The following CDH8 variants were observed in gnomAD, a reference collection of about 807,000 sequenced individuals.
The protein encoded by CDH8 is cadherin-8.
In CDH8, 17 loss-of-function variants were observed where a neutral mutation model predicts 68.1. The ratio of observed to expected loss-of-function variants is 0.25; its 90% CI spans 0.17 to 0.37. CDH8 has a LOEUF of 0.37. Ranked by LOEUF, CDH8 falls within the 10% of genes least tolerant of loss-of-function variation. The probability of loss-of-function intolerance (pLI) is 1.00; values close to 1 mark genes in which losing one functional copy is unlikely to be tolerated. For synonymous variants in CDH8, 372 were observed against 365.1 expected, an observed-to-expected ratio of 1.02 and a Z score of -0.21; for missense variants, 763 against 999.3, an observed-to-expected ratio of 0.76 and a Z score of 3.19.
chr16:61,758,243 A>G (rs1006026239), intron 8 of CDH8, among the ~76,000 whole-genome samples: 1 of 152,200 alleles, frequency 6.6e-6, no homozygotes, highest in Non-Finnish European at 1.5e-5. Flanking sequence ...TCATGTAGAA[A>G]AAAAGAAAAT....
chr16:61,828,821 A>G (rs565521443), intron 4 of CDH8, among the ~76,000 whole-genome samples: 20 of 151,958 alleles, frequency 1.3e-4, no homozygotes, highest in African/African-American at 4.6e-4. Flanking sequence ...CAAACTCCAT[A>G]TCCTCTCAAT....
intron 7 of CDH8, among the ~76,000 whole-genome samples, chr16:61,801,461 A>T (rs1338641345): frequency 6.6e-6 from 1 of 152,190 alleles, no homozygotes; most frequent in Non-Finnish European, 1.5e-5. Flanking sequence ...AAATTGGAGG[A>T]GCCAAGATGG....
intron 2 of CDH8, among the ~76,000 whole-genome samples, chr16:62,006,244 T>C (rs532162099): frequency 9.8e-5 from 15 of 152,296 alleles, no homozygotes; most frequent in African/African-American, 3.6e-4. Flanking sequence ...TCGATAAAAG[T>C]AAGCACTTTT....
chr16:62,011,400 C>T (rs952795169), intron 2 of CDH8, among the ~76,000 whole-genome samples: 1 of 152,190 alleles, frequency 6.6e-6, no homozygotes, highest in Non-Finnish European at 1.5e-5. Flanking sequence ...GTCCCATCAG[C>T]CCACCATGTT....
intron 8 of CDH8, among the ~76,000 whole-genome samples, chr16:61,768,353 T>TCCCTCTCTCC (rs1960665040): frequency 9.1e-6 from 1 of 109,376 alleles, no homozygotes; most frequent in African/African-American, 3.9e-5. Flanking sequence ...TCTCTCTCTC[T>TCCCTCTCTCC]CTCTCTCTCT....
intron 2 of CDH8, among the ~76,000 whole-genome samples, chr16:61,982,591 T>A (rs1280025416): frequency 2.0e-5 from 3 of 152,224 alleles, no homozygotes; most frequent in Non-Finnish European, 4.4e-5. Context: ...TAATACCCTC[T>A]TTGAGTTGTT....
intron 4 of CDH8, among the ~76,000 whole-genome samples, chr16:61,851,582 A>G (rs1962938399): frequency 6.6e-6 from 1 of 151,974 alleles, no homozygotes; most frequent in Non-Finnish European, 1.5e-5. Context: ...TTTTAAATAA[A>G]TGCCACATTT....
chr16:61,759,916 G>C (rs977396580), intron 8 of CDH8, among the ~76,000 whole-genome samples: 2 of 152,108 alleles, frequency 1.3e-5, no homozygotes, highest in Non-Finnish European at 2.9e-5. Flanking sequence ...AGAGCTGCTT[G>C]GACCTTAAGA....
At chr16:61,751,250 T>C (rs1261973635) in intron 8 of CDH8, among the ~76,000 whole-genome samples, 1 of 151,632 alleles carries the variant, frequency 6.6e-6, no homozygotes, top group Non-Finnish European at 1.5e-5. Context: ...ATGCAACATA[T>C]GCCTTCAATT....
intron 3 of CDH8, among the ~76,000 whole-genome samples, chr16:61,876,992 T>C (rs1963474764): frequency 6.6e-6 from 1 of 152,152 alleles, no homozygotes; most frequent in East Asian, 1.9e-4. Context: ...AACAAAGATA[T>C]ACAATACTAC....
At chr16:61,667,546 A>G (rs1050267431) in intron 10 of CDH8, 6 of 151,970 alleles carry the variant, frequency 3.9e-5, no homozygotes, top group Admixed American at 3.3e-4. Flanking sequence ...ATTCACTTTA[A>G]AAAACCCAGG....
chr16:61,819,784 T>C (rs1014941937), intron 6 of CDH8, among the ~76,000 whole-genome samples: 1 of 152,168 alleles, frequency 6.6e-6, no homozygotes, highest in East Asian at 1.9e-4. Flanking sequence ...ATAATGCTGA[T>C]GAAGAAAGTG....
chr16:61,864,387 A>G (rs1262256814), intron 3 of CDH8, among the ~76,000 whole-genome samples: 1 of 151,992 alleles, frequency 6.6e-6, no homozygotes, highest in Non-Finnish European at 1.5e-5. Flanking sequence ...TGCTTCCCCA[A>G]CCAAGTTACC....
At chr16:62,007,650 C>T (rs767536482) in intron 2 of CDH8, among the ~76,000 whole-genome samples, 13 of 152,116 alleles carry the variant, frequency 8.5e-5, no homozygotes, top group Non-Finnish European at 1.2e-4. Flanking sequence ...CAAAAGTATA[C>T]ATTAACCCAT....
chr16:61,968,750 C>T (rs545606888), intron 2 of CDH8, among the ~76,000 whole-genome samples: 1 of 152,170 alleles, frequency 6.6e-6, no homozygotes, highest in Admixed American at 6.5e-5. Context: ...GGCCCAGGCC[C>T]CCACAGCTTT....
At chr16:61,852,852 CCCTTCCTT>C (rs138549766) in intron 4 of CDH8, among the ~76,000 whole-genome samples, 65 of 133,174 alleles carry the variant, frequency 4.9e-4, no homozygotes, top group Middle Eastern at 3.9e-3. Context: ...CCTGACTCTG[CCCTTCCTT>C]CCTTCCTTCC....
intron 10 of CDH8, among the ~76,000 whole-genome samples, chr16:61,678,666 G>A (rs775764488): frequency 2.6e-5 from 4 of 151,914 alleles, no homozygotes; most frequent in Non-Finnish European, 5.9e-5. Flanking sequence ...CATGCTACCC[G>A]ACTTCAAACT....
intron 3 of CDH8, among the ~76,000 whole-genome samples, chr16:61,886,023 C>T (rs575337788): frequency 3.4e-4 from 52 of 152,256 alleles, no homozygotes; most frequent in African/African-American, 1.2e-3. Flanking sequence ...TTCAAGGAGA[C>T]GCATGATCCT....
At chr16:61,846,750 G>A (rs1483265761) in intron 4 of CDH8, among the ~76,000 whole-genome samples, 5 of 152,042 alleles carry the variant, frequency 3.3e-5, no homozygotes. Flanking sequence ...CAAAATTTGT[G>A]ATCAATAAAT....
Sources: gnomAD v4.1 joint callset for allele counts (sites outside exome capture counted in the v4.1 genomes callset) on GRCh38, gnomAD v4.1.1 for gene constraint, MANE v1.5 for transcripts, NCBI Gene and HGNC (gene_info 2026-07-23, HGNC 2026-07-21) for gene names.